Variants in ADAMTS12 observed in about 807,000 individuals in gnomAD.
ADAMTS12 encodes the protein ADAM metallopeptidase with thrombospondin type 1 motif 12.
A neutral mutation model predicts 167.8 loss-of-function variants in ADAMTS12; 118 were observed. The ratio of observed to expected loss-of-function variants is 0.70; its 90% CI spans 0.61 to 0.82. ADAMTS12 has a LOEUF of 0.82. ADAMTS12 is among the 40% of genes least tolerant of loss of function. The probability of loss-of-function intolerance (pLI) is 0.00; values close to 1 mark genes in which losing one functional copy is unlikely to be tolerated. For missense variants in ADAMTS12, 1,916 were observed against 1,998.8 expected, an observed-to-expected ratio of 0.96 and a Z score of 0.79; for synonymous variants, 704 against 716.9, an observed-to-expected ratio of 0.98 and a Z score of 0.29.
At chr5:33,535,027 TC>T (rs1344410394) in intron 22 of ADAMTS12, 35 bp from the exon 23 acceptor site, 17 of 1,549,324 alleles carry the variant, frequency 1.1e-5, no homozygotes, top group Non-Finnish European at 1.4e-5. Flanking sequence ...TCAGAAGTCC[TC>T]CCCACGACTC....
intron 19 of ADAMTS12, 35 bp downstream of exon 19, chr5:33,576,016 TCCA>T (rs1472053777): frequency 6.4e-7 from 1 of 1,561,534 alleles, no homozygotes; most frequent in Admixed American, 2.0e-5. Flanking sequence ...CTAGCTTTTT[TCCA>T]TGTAAAACCA....
chr5:33,592,273 C>T (rs918660633), intron 17 of ADAMTS12, among the ~76,000 whole-genome samples: 12 of 151,164 alleles, frequency 7.9e-5, no homozygotes, highest in African/African-American at 2.9e-4. Flanking sequence ...AAACAAAAAA[C>T]AAAACAAAAC....
intron 3 of ADAMTS12, among the ~76,000 whole-genome samples, chr5:33,708,423 C>G (rs1015760035): frequency 2.6e-5 from 4 of 151,974 alleles, no homozygotes; most frequent in African/African-American, 7.3e-5. Flanking sequence ...AAATACCATT[C>G]GACCCAGCAA....
intron 3 of ADAMTS12, among the ~76,000 whole-genome samples, chr5:33,748,708 T>C (rs9292511): frequency 0.047 from 7,129 of 152,216 alleles, 587 homozygotes; most frequent in African/African-American, 0.16. Context: ...TGATCTTTTT[T>C]TCATATAATC....
At chr5:33,861,447 G>A (rs1265604462) in intron 2 of ADAMTS12, among the ~76,000 whole-genome samples, 1 of 152,160 alleles carries the variant, frequency 6.6e-6, no homozygotes, top group East Asian at 1.9e-4. Context: ...TTACATAATG[G>A]TAAAGAGATC....
intron 3 of ADAMTS12, among the ~76,000 whole-genome samples, chr5:33,710,952 C>T (rs1342943729): frequency 6.6e-6 from 1 of 152,072 alleles, no homozygotes; most frequent in Admixed American, 6.6e-5. Context: ...AAGAGACTCC[C>T]CTGCACAGAT....
chr5:33,716,772 A>G (rs544952739), intron 3 of ADAMTS12, among the ~76,000 whole-genome samples: 1 of 152,154 alleles, frequency 6.6e-6, no homozygotes, highest in Non-Finnish European at 1.5e-5. Flanking sequence ...CATGATAAAG[A>G]TCATTTTCTT....
At chr5:33,638,726 C>T (rs1431635054) in intron 11 of ADAMTS12, among the ~76,000 whole-genome samples, 1 of 152,190 alleles carries the variant, frequency 6.6e-6, no homozygotes, top group Non-Finnish European at 1.5e-5. Context: ...TCTGTGTCCT[C>T]TGTGGTGCCT....
intron 2 of ADAMTS12, among the ~76,000 whole-genome samples, chr5:33,772,204 C>T (rs1318159125): frequency 6.6e-6 from 1 of 151,966 alleles, no homozygotes; most frequent in Non-Finnish European, 1.5e-5. Flanking sequence ...TCATTCTAGA[C>T]TCTCAACAGC....
intron 14 of ADAMTS12, among the ~76,000 whole-genome samples, chr5:33,622,424 G>A (rs921751498): frequency 6.6e-6 from 1 of 152,198 alleles, no homozygotes; most frequent in Non-Finnish European, 1.5e-5. Context: ...GGGAAGCTGA[G>A]GTGGGTGGAT....
chr5:33,635,299 C>T (rs1413823447), intron 12 of ADAMTS12, among the ~76,000 whole-genome samples: 2 of 152,170 alleles, frequency 1.3e-5, no homozygotes, highest in East Asian at 1.9e-4. Flanking sequence ...ACGAAATAAT[C>T]GAAGGTTTTA....
intron 1 of ADAMTS12, among the ~76,000 whole-genome samples, chr5:33,883,327 GTTTTTTTTTTTTTTGT>G (rs1369596622): frequency 5.4e-5 from 6 of 111,612 alleles, no homozygotes; most frequent in East Asian, 5.7e-4. Context: ...TTTTTTTTTT[GTTTTTTTTTTTTTTGT>G]TTTTTTTTTT....
At chr5:33,734,209 C>A (rs1387636894) in intron 3 of ADAMTS12, among the ~76,000 whole-genome samples, 1 of 152,202 alleles carries the variant, frequency 6.6e-6, no homozygotes, top group African/African-American at 2.4e-5. Flanking sequence ...CTTGCTTCTC[C>A]TGTTCGCAGC....
At chr5:33,888,343 G>T (rs958452789) in intron 1 of ADAMTS12, among the ~76,000 whole-genome samples, 1 of 152,132 alleles carries the variant, frequency 6.6e-6, no homozygotes, top group Admixed American at 6.6e-5. Context: ...ACACATGTTG[G>T]AATGTTGTGA....
intron 22 of ADAMTS12, among the ~76,000 whole-genome samples, chr5:33,541,592 G>C (rs774668915): frequency 6.6e-6 from 1 of 152,146 alleles, no homozygotes; most frequent in South Asian, 2.1e-4. Context: ...GAGAAAGGTC[G>C]GGTTACCCAC....
At chr5:33,720,929 G>A (rs1217613360) in intron 3 of ADAMTS12, among the ~76,000 whole-genome samples, 1 of 152,144 alleles carries the variant, frequency 6.6e-6, no homozygotes, top group African/African-American at 2.4e-5. Flanking sequence ...ACATGTACTA[G>A]AACATTGATA....
intron 17 of ADAMTS12, among the ~76,000 whole-genome samples, chr5:33,593,392 C>T (rs541152530): frequency 3.9e-5 from 6 of 152,206 alleles, no homozygotes; most frequent in Admixed American, 6.5e-5. Flanking sequence ...GTTCAAATCC[C>T]GACTCTACAA....
At chr5:33,561,430 C>A (rs973329048) in intron 19 of ADAMTS12, among the ~76,000 whole-genome samples, 3 of 152,292 alleles carry the variant, frequency 2.0e-5, no homozygotes, top group South Asian at 2.1e-4. Context: ...GGTTGAGAAA[C>A]CTTGATTTGC....
chr5:33,881,197 G>C lies in ADAMTS12; in HGVS notation c.411C>G (p.Pro137=), dbSNP rs200507261. ...GAACCGTGCCACTGAGATGGCAGAG[G>C]GGGGCAGAGGAAGCCATCATCTTAA... The part of the protein sequence containing the change: ...SHVKMMASSA[P]LCHLSGTVLQ... The change falls in exon 2 of 24, where the codon CCC becomes CCG. Residue 137 remains proline, a synonymous_variant. Transcript: ENST00000504830. The C allele has an allele frequency of 5.6e-6, 9 of 1,614,184 alleles. No homozygotes were observed. In the South Asian group the frequency reaches 8.8e-5, roughly 16 times the overall value.
Sources: gnomAD v4.1 joint callset for allele counts (sites outside exome capture counted in the v4.1 genomes callset) on GRCh38, gnomAD v4.1.1 for gene constraint, MANE v1.5 for transcripts, NCBI Gene and HGNC (gene_info 2026-07-23, HGNC 2026-07-21) for gene names.